The following ARHGAP24 variants were observed in gnomAD, a reference collection of about 807,000 sequenced individuals.
ARHGAP24 encodes the protein Rho GTPase activating protein 24.
In ARHGAP24, 50 loss-of-function variants were observed where a neutral mutation model predicts 76.4. The observed-to-expected ratio is 0.65, with a 90% CI of 0.52 to 0.83. The LOEUF (loss-of-function observed/expected upper bound fraction) is 0.83. Among genes scored for constraint, ARHGAP24 ranks in the 40% least tolerant of loss-of-function variants. The pLI is 0.00. For missense variants in ARHGAP24, 930 were observed against 914.2 expected, an observed-to-expected ratio of 1.02 and a Z score of -0.22; for synonymous variants, 345 against 323.3, an observed-to-expected ratio of 1.07 and a Z score of -0.72.
At chr4:85,709,106 C>T (rs1724426477) in intron 2 of ARHGAP24, among the ~76,000 whole-genome samples, 1 of 152,084 alleles carries the variant, frequency 6.6e-6, no homozygotes, top group African/African-American at 2.4e-5. Context: ...GAATGTAGGT[C>T]TATTCTTGAG....
intron 2 of ARHGAP24, among the ~76,000 whole-genome samples, chr4:85,597,758 C>T (rs1719892726): frequency 6.6e-6 from 1 of 151,770 alleles, no homozygotes; most frequent in African/African-American, 2.4e-5. Context: ...CTTGATATTT[C>T]CATTTGGAAT....
intron 3 of ARHGAP24, among the ~76,000 whole-genome samples, chr4:85,919,580 G>T (rs1170974070): frequency 6.6e-6 from 1 of 152,138 alleles, no homozygotes; most frequent in African/African-American, 2.4e-5. Flanking sequence ...TCACAGATGG[G>T]ATTTTGTATC....
intron 2 of ARHGAP24, among the ~76,000 whole-genome samples, chr4:85,711,714 T>C (rs907749258): frequency 2.0e-4 from 30 of 152,298 alleles, no homozygotes; most frequent in Admixed American, 1.8e-3. Context: ...GCAAGGTCAT[T>C]GTATTCAGCG....
chr4:85,586,768 C>T (rs189470830), intron 2 of ARHGAP24, among the ~76,000 whole-genome samples: 3 of 152,028 alleles, frequency 2.0e-5, no homozygotes, highest in East Asian at 3.9e-4. Flanking sequence ...CATGGTGGCA[C>T]GTTCCTGTAG....
At chr4:85,789,430 A>C (rs1294440543) in intron 3 of ARHGAP24, among the ~76,000 whole-genome samples, 1 of 151,932 alleles carries the variant, frequency 6.6e-6, no homozygotes, top group Non-Finnish European at 1.5e-5. Flanking sequence ...CAGGGATAAA[A>C]CTCTTCTTAA....
At chr4:85,590,161 T>TCTGCCTGCCTGCCTGC (rs1297948051) in intron 2 of ARHGAP24, among the ~76,000 whole-genome samples, 1 of 143,356 alleles carries the variant, frequency 7.0e-6, no homozygotes, top group African/African-American at 2.7e-5. Context: ...TAACTTTCTT[T>TCTGCCTGCCTGCCTGC]CTGCCTGCCT....
intron 1 of ARHGAP24, among the ~76,000 whole-genome samples, chr4:85,555,841 A>G (rs1290496049): frequency 6.7e-6 from 1 of 149,366 alleles, no homozygotes; most frequent in South Asian, 2.2e-4. Context: ...GGCCCTGCAT[A>G]TTGATGAGCA....
intron 2 of ARHGAP24, among the ~76,000 whole-genome samples, chr4:85,610,451 C>CAAAAAAAAAAAAAAA (rs57348830): frequency 7.8e-5 from 4 of 51,240 alleles, no homozygotes; most frequent in African/African-American, 1.6e-4. Context: ...ACTCCATCTA[C>CAAAAAAAAAAAAAAA]AAAAAAAAAA....
Position 85,532,198 on chromosome 4 carries a change from T to C in ARHGAP24, c.-20-38324T>C, listed in dbSNP as rs151224973. On this transcript the variant is annotated intron_variant, in intron 1 of 9. Coordinates refer to ENST00000395184, the MANE Select transcript of ARHGAP24 (RefSeq NM_001025616.3). ...AAATTCAGAAGTGTGCAGTAGGACA[T>C]TTCATTTGTTCCTGTTTTGTCTCTT... 5.1e-3 allele frequency among the ~76,000 whole-genome samples: 775 copies of C among 152,248 alleles called. 19 individuals are homozygous for C. The highest frequency in any genetic ancestry group is 0.042 in the Admixed American group (644 of 15,278).
intron 2 of ARHGAP24, among the ~76,000 whole-genome samples, chr4:85,684,876 TACCC>T (rs1029138141): frequency 2.5e-4 from 38 of 152,216 alleles, no homozygotes; most frequent in Non-Finnish European, 4.0e-4. Flanking sequence ...CTACTTGGCA[TACCC>T]TTAAAACTTT....
At chr4:85,652,573 G>C (rs367710109) in intron 2 of ARHGAP24, among the ~76,000 whole-genome samples, 30 of 152,300 alleles carry the variant, frequency 2.0e-4, no homozygotes, top group African/African-American at 6.5e-4. Flanking sequence ...TAATGAAAAT[G>C]GAGAAATTTT....
intron 3 of ARHGAP24, among the ~76,000 whole-genome samples, chr4:85,915,450 T>C (rs569565025): frequency 1.3e-5 from 2 of 152,340 alleles, no homozygotes; most frequent in Admixed American, 1.3e-4. Context: ...CTTTAAGTTA[T>C]GGGATACATG....
chr4:85,479,190 C>G (rs1021327770), intron 1 of ARHGAP24, among the ~76,000 whole-genome samples: 5 of 152,174 alleles, frequency 3.3e-5, no homozygotes, highest in African/African-American at 1.2e-4. Flanking sequence ...AAAACATAAT[C>G]CACTTTCCAT....
chr4:85,623,830 G>T (rs1226403305), intron 2 of ARHGAP24, among the ~76,000 whole-genome samples: 2 of 150,950 alleles, frequency 1.3e-5, no homozygotes, highest in Non-Finnish European at 2.9e-5. Flanking sequence ...TGGATTCCTA[G>T]GTATTTTATT....
At chr4:85,735,436 A>G (rs1725571382) in intron 3 of ARHGAP24, among the ~76,000 whole-genome samples, 1 of 152,060 alleles carries the variant, frequency 6.6e-6, no homozygotes, top group South Asian at 2.1e-4. Context: ...CATTGATGAC[A>G]GCTGATTTTT....
At chr4:85,693,390 T>C (rs117373520) in intron 2 of ARHGAP24, among the ~76,000 whole-genome samples, 1 of 152,238 alleles carries the variant, frequency 6.6e-6, no homozygotes, top group East Asian at 1.9e-4. Context: ...GAAGGAGTCA[T>C]GACTCACTCG....
At chr4:85,657,524 T>G (rs1722217662) in intron 2 of ARHGAP24, among the ~76,000 whole-genome samples, 1 of 152,144 alleles carries the variant, frequency 6.6e-6, no homozygotes, top group Admixed American at 6.5e-5. Flanking sequence ...CAATGACACT[T>G]GACTGTGTTT....
At chr4:85,526,468 T>C (rs140269269) in intron 1 of ARHGAP24, among the ~76,000 whole-genome samples, 164 of 151,772 alleles carry the variant, frequency 1.1e-3, no homozygotes, top group Non-Finnish European at 1.5e-3. Flanking sequence ...GATTATGAGA[T>C]AAAAAGTAGT....
At chr4:85,997,628 G>GTTTCTAACTT (rs60575478) in intron 9 of ARHGAP24, among the ~76,000 whole-genome samples, 97,023 of 150,930 alleles carry the variant, frequency 0.64, 31,333 homozygotes, top group South Asian at 0.68. Context: ...CTCCAAATTG[G>GTTTCTAACTT]TTTCTAACTT....
Sources: gnomAD v4.1 joint callset for allele counts (sites outside exome capture counted in the v4.1 genomes callset) on GRCh38, gnomAD v4.1.1 for gene constraint, MANE v1.5 for transcripts, NCBI Gene and HGNC (gene_info 2026-07-23, HGNC 2026-07-21) for gene names.